The following SORBS2 variants were observed in gnomAD, a reference collection of about 807,000 sequenced individuals.
The protein encoded by SORBS2 is sorbin and SH3 domain containing 2.
SORBS2 carries 46 observed loss-of-function variants against 97.7 expected under a neutral mutation model. The observed-to-expected ratio is 0.47, with a 90% CI of 0.37 to 0.60. The LOEUF is 0.60. Ranked by LOEUF, SORBS2 falls within the 20% of genes least tolerant of loss-of-function variation. The probability of loss-of-function intolerance (pLI) is 0.00; values close to 1 mark genes in which losing one functional copy is unlikely to be tolerated. For synonymous variants in SORBS2, 476 were observed against 473.4 expected (o/e 1.01, Z -0.07); for missense variants, 1,316 against 1,282.3 (o/e 1.03, Z -0.40).
At chr4:185,679,674 T>C (rs900649355) in intron 2 of SORBS2, among the ~76,000 whole-genome samples, 12 of 152,288 alleles carry the variant, frequency 7.9e-5, no homozygotes, top group African/African-American at 2.9e-4. Context: ...TTGGAGGTGA[T>C]CCTAGGGGTT....
chr4:185,589,995 A>C (rs948005200), intron 13 of SORBS2, among the ~76,000 whole-genome samples: 7 of 152,196 alleles, frequency 4.6e-5, no homozygotes, highest in African/African-American at 1.7e-4. Context: ...CTTCACAGGC[A>C]TTAGAACACT....
rs1011408709 is a variant in SORBS2 at position 185,646,146 on chromosome 4, C to T, written c.396+522G>A. The T allele has an allele frequency of 3.3e-5, 5 of 152,050 alleles. No individual in the cohort carries two copies. The East Asian group carries it at 9.6e-4, about 29-fold the overall frequency. The allele number at this position is 152,050 out of a possible 1,614,324, so 9.4% of individuals were successfully genotyped here. On this transcript the variant is annotated intron_variant, in intron 4 of 14. Transcript: ENST00000418609. Reference sequence around the variant, plus strand: ...GGCATTTGGAAAATTCTCCCTTCATCCAAAGAAATATTAAAAAGCCAATAT... The same window carrying T: ...GGCATTTGGAAAATTCTCCCTTCATTCAAAGAAATATTAAAAAGCCAATAT...
At chr4:185,794,836 G>C (rs1319404199) in intron 1 of SORBS2, among the ~76,000 whole-genome samples, 1 of 152,034 alleles carries the variant, frequency 6.6e-6, no homozygotes, top group Admixed American at 6.6e-5. Flanking sequence ...CTGCCTATGT[G>C]AGGAATGTGG....
intron 2 of SORBS2, among the ~76,000 whole-genome samples, chr4:185,719,764 C>A (rs2098497394): frequency 1.3e-5 from 2 of 152,190 alleles, no homozygotes; most frequent in Non-Finnish European, 2.9e-5. Flanking sequence ...AATAGGAATT[C>A]TTCTTGCCTG....
At chr4:185,888,167 G>A (rs905448686) in intron 1 of SORBS2, among the ~76,000 whole-genome samples, 20 of 151,980 alleles carry the variant, frequency 1.3e-4, no homozygotes, top group South Asian at 8.3e-4. Flanking sequence ...TAAAATGCTC[G>A]TGCTAGTAAT....
At chr4:185,673,650 G>T (rs920647168) in intron 4 of SORBS2, among the ~76,000 whole-genome samples, 17 of 152,102 alleles carry the variant, frequency 1.1e-4, no homozygotes, top group Non-Finnish European at 2.4e-4. Context: ...TGCTATCATT[G>T]TCCCTGTTTT....
intron 4 of SORBS2, among the ~76,000 whole-genome samples, chr4:185,669,259 G>A (rs1052072309): frequency 2.6e-5 from 4 of 152,202 alleles, no homozygotes; most frequent in South Asian, 2.1e-4. Flanking sequence ...AATCAAGCCC[G>A]TGTTGGATGA....
chr4:185,657,395 A>G, upstream of SORBS2: 1 of 1,511,306 alleles, frequency 6.6e-7, no homozygotes. Flanking sequence ...GCACAGCCCC[A>G]GACAGACGCA....
At chr4:185,709,874 T>TTTTTTA (rs10684343) in intron 2 of SORBS2, 28,029 of 149,042 alleles carry the variant, frequency 0.19, 2,871 homozygotes, top group Non-Finnish European at 0.23. Flanking sequence ...TTTTTTTTTT[T>TTTTTTA]AAGACTAGTC....
At chr4:185,753,956 C>A (rs988814871) in intron 2 of SORBS2, among the ~76,000 whole-genome samples, 1 of 152,114 alleles carries the variant, frequency 6.6e-6, no homozygotes. Context: ...GGGTCTATAC[C>A]TAAAGGAATA....
chr4:185,660,684 A>G (rs2097502019), upstream of SORBS2, among the ~76,000 whole-genome samples: 1 of 152,194 alleles, frequency 6.6e-6, no homozygotes, highest in South Asian at 2.1e-4. Flanking sequence ...ATACTGAATC[A>G]GTGCTGGGGA....
Position 185,619,136 on chromosome 4 carries a change from T to G in SORBS2, c.2305-505A>C, listed in dbSNP as rs146355742. The stretch of plus-strand genomic sequence containing the variant: ...GGAGGCTGGTTAGTGGGCAAAAGTA[T>G]AGGTGTGATCATCTTGCATTCCCTA... On this transcript the variant is annotated intron_variant, in intron 8 of 14. Coordinates refer to ENST00000418609, the Ensembl canonical transcript of SORBS2. Among the ~76,000 whole-genome samples, 985 of 152,316 alleles carry G rather than the reference T, an allele frequency of 6.5e-3. 9 individuals carry two copies. Among genetic ancestry groups the G allele is most frequent in the African/African-American group, 0.016 (681 of 41,554 alleles).
intron 1 of SORBS2, among the ~76,000 whole-genome samples, chr4:185,831,012 G>T (rs572360121): frequency 6.6e-6 from 1 of 152,054 alleles, no homozygotes; most frequent in African/African-American, 2.4e-5. Context: ...CCTTATTTGG[G>T]CGCTATTCTA....
chr4:185,671,246 G>C (rs1250923961), intron 4 of SORBS2, among the ~76,000 whole-genome samples: 2 of 152,156 alleles, frequency 1.3e-5, no homozygotes, highest in Admixed American at 6.5e-5. Context: ...GACAGCATGT[G>C]GCATCTGAAT....
At chr4:185,615,956 C>T (rs2096619735) in intron 9 of SORBS2, among the ~76,000 whole-genome samples, 1 of 152,144 alleles carries the variant, frequency 6.6e-6, no homozygotes, top group Non-Finnish European at 1.5e-5. Flanking sequence ...ATAATTCACA[C>T]CTAAACTTAT....
intron 1 of SORBS2, among the ~76,000 whole-genome samples, chr4:185,921,631 G>A (rs1415507278): frequency 6.6e-6 from 1 of 152,176 alleles, no homozygotes. Context: ...GGACGAAGTA[G>A]AAAGTATATT....
At chr4:185,644,882 C>A (rs1045630479) in intron 4 of SORBS2, among the ~76,000 whole-genome samples, 31 of 152,066 alleles carry the variant, frequency 2.0e-4, no homozygotes, top group Admixed American at 1.3e-4. Context: ...CTAAAGGGAG[C>A]AAAGGGAGGG....
chr4:185,668,070 A>G (rs1277319786), intron 4 of SORBS2, among the ~76,000 whole-genome samples: 1 of 152,142 alleles, frequency 6.6e-6, no homozygotes, highest in Non-Finnish European at 1.5e-5. Context: ...AATAATACAA[A>G]TCATACAAAA....
At chr4:185,926,294 C>T (rs1383328285) in intron 1 of SORBS2, among the ~76,000 whole-genome samples, 1 of 152,182 alleles carries the variant, frequency 6.6e-6, no homozygotes, top group African/African-American at 2.4e-5. Flanking sequence ...CATGGTCTCT[C>T]GAACTAGCGT....
Sources: allele counts gnomAD v4.1 joint callset (sites outside exome capture counted in the v4.1 genomes callset), GRCh38; gene constraint gnomAD v4.1.1; transcripts MANE v1.5; gene names NCBI Gene and HGNC (gene_info 2026-07-23, HGNC 2026-07-21).